Variants in FNIP2 observed in about 807,000 individuals in gnomAD.
The protein encoded by FNIP2 is folliculin interacting protein 2.
A neutral mutation model predicts 108.7 loss-of-function variants in FNIP2; 32 were observed. That is an observed-to-expected ratio of 0.29 (90% CI 0.22 to 0.40). The LOEUF is 0.40. Among genes scored for constraint, FNIP2 ranks in the 10% least tolerant of loss-of-function variants. The pLI, the probability that FNIP2 is intolerant of heterozygous loss-of-function variation, is 1.00. For synonymous variants in FNIP2, 480 were observed against 496.7 expected (o/e 0.97, Z 0.45); for missense variants, 1,202 against 1,381.6 (o/e 0.87, Z 2.06).
intron 14 of FNIP2, among the ~76,000 whole-genome samples, chr4:158,878,112 G>GA (rs971690260): frequency 4.0e-5 from 6 of 151,794 alleles, no homozygotes; most frequent in East Asian, 1.9e-4. Context: ...TTCCTGTCAT[G>GA]AAAAAAAATG....
chr4:158,806,004 G>T, intron 1 of FNIP2: 1 of 464,758 alleles, frequency 2.2e-6, no homozygotes, highest in Non-Finnish European at 3.0e-6. Context: ...CTAAATTATT[G>T]GCAGGCTTAA....
At chr4:158,818,571 T>C (rs1354870583) in intron 1 of FNIP2, among the ~76,000 whole-genome samples, 1 of 152,198 alleles carries the variant, frequency 6.6e-6, no homozygotes, top group East Asian at 1.9e-4. Flanking sequence ...GCTGGTGAAA[T>C]ATTAATTTGT....
At chr4:158,819,100 A>G (rs1454543076) in intron 1 of FNIP2, among the ~76,000 whole-genome samples, 1 of 152,214 alleles carries the variant, frequency 6.6e-6, no homozygotes, top group Non-Finnish European at 1.5e-5. Context: ...TCCCAGTTGT[A>G]AGCATATTGA....
chr4:158,894,153 C>T (rs1012877361), intron 15 of FNIP2, among the ~76,000 whole-genome samples: 3 of 145,828 alleles, frequency 2.1e-5, no homozygotes, highest in Non-Finnish European at 4.5e-5. Context: ...ATAATCAAGT[C>T]TTTTAAAAAA....
intron 3 of FNIP2, 25 bp downstream of exon 3, chr4:158,829,250 TAGCCCCTGAGGTTAA>T: frequency 6.3e-7 from 1 of 1,576,154 alleles, no homozygotes; most frequent in Non-Finnish European, 8.6e-7. Context: ...TCTGTGGGAA[TAGCCCCTGAGGTTAA>T]AGTTATTTAC....
chr4:158,804,819 A>T (rs1776885860), intron 1 of FNIP2, among the ~76,000 whole-genome samples: 1 of 152,220 alleles, frequency 6.6e-6, no homozygotes, highest in Non-Finnish European at 1.5e-5. Context: ...GTCAGTTCTA[A>T]GCTCAAAATG....
intron 1 of FNIP2, among the ~76,000 whole-genome samples, chr4:158,794,188 T>C (rs1400957411): frequency 2.0e-5 from 3 of 152,222 alleles, no homozygotes; most frequent in Non-Finnish European, 4.4e-5. Flanking sequence ...TGGGTCCTGC[T>C]CTGTGGCCCG....
chr4:158,854,415 T>C (rs1578918469), intron 8 of FNIP2, among the ~76,000 whole-genome samples: 1 of 152,172 alleles, frequency 6.6e-6, no homozygotes, highest in African/African-American at 2.4e-5. Flanking sequence ...GTCCAAGACC[T>C]GGCAGTGCCG....
rs1347171464 is a variant in FNIP2 at position 158,905,317 on chromosome 4, ATG to A, written c.*775_*776del. 6.6e-6 allele frequency: 1 copy of A among 152,200 alleles called. No homozygotes were observed. The highest frequency in any genetic ancestry group is 1.9e-4 in the East Asian group (1 of 5,202). 9.4% of individuals were successfully genotyped at this position (152,200 alleles called of 1,614,324 possible). ...AGCAAAGTGTACAGTCTGAAACCGT[ATG>A]TTTTATCCTTATATTTTAGAGCTTT... On this transcript the variant is annotated 3_prime_UTR_variant, in exon 17 of 17. Coordinates refer to ENST00000264433, the MANE Select transcript of FNIP2 (RefSeq NM_020840.3).
intron 15 of FNIP2, among the ~76,000 whole-genome samples, chr4:158,894,170 C>CTTT (rs5863337): frequency 7.8e-6 from 1 of 127,476 alleles, no homozygotes; most frequent in Non-Finnish European, 1.7e-5. Context: ...AAAATGTTTT[C>CTTT]TTTTTTTTTT....
At chr4:158,858,696 T>C (rs1780122132) in intron 8 of FNIP2, among the ~76,000 whole-genome samples, 1 of 152,220 alleles carries the variant, frequency 6.6e-6, no homozygotes, top group Non-Finnish European at 1.5e-5. Context: ...TCATTCCTCT[T>C]TTGATGTCTT....
chr4:158,887,153 G>A (rs1369792992), intron 14 of FNIP2, among the ~76,000 whole-genome samples: 2 of 152,268 alleles, frequency 1.3e-5, no homozygotes, highest in African/African-American at 4.8e-5. Flanking sequence ...AGAGCAGATA[G>A]TGGATTAGGC....
chr4:158,900,899 C>T (rs1200621387), intron 16 of FNIP2, among the ~76,000 whole-genome samples: 1 of 151,970 alleles, frequency 6.6e-6, no homozygotes, highest in Non-Finnish European at 1.5e-5. Flanking sequence ...GGTTTTTTTG[C>T]CCGTTAGTTG....
intron 5 of FNIP2, among the ~76,000 whole-genome samples, chr4:158,832,503 C>T (rs1304712553): frequency 2.6e-5 from 4 of 152,140 alleles, no homozygotes; most frequent in African/African-American, 9.7e-5. Context: ...GTATTTTGAA[C>T]TTTCAAGCAG....
rs763582263 is a variant in FNIP2 at position 158,870,315 on chromosome 4, C to G, written c.2795C>G (p.Ser932Cys). 8 of 1,612,928 alleles carry G rather than the reference C, an allele frequency of 5.0e-6. No individual in the cohort carries two copies. The highest frequency in any genetic ancestry group is 1.7e-4 in the Middle Eastern group (1 of 6,060). Residue 932 changes from serine to cysteine, a missense_variant and splice_region_variant, in exon 14 of 17, where the codon TCT becomes TGT. By Grantham distance (112) the Ser-to-Cys change is moderately radical. Coordinates refer to ENST00000264433, the MANE Select transcript of FNIP2 (RefSeq NM_020840.3). ...TAATGGGCCACATGTTGTTTTAGGTCTCAGAGCATCAGCACCCAGAATGTA... is the reference window on the plus strand; with the variant it reads ...TAATGGGCCACATGTTGTTTTAGGTGTCAGAGCATCAGCACCCAGAATGTA... The part of the protein sequence containing the change: ...SLEVELPLPR[S>C]QSISTQNVRN...
At chr4:158,804,853 C>T (rs950876619) in intron 1 of FNIP2, among the ~76,000 whole-genome samples, 3 of 152,170 alleles carry the variant, frequency 2.0e-5, no homozygotes, top group African/African-American at 7.2e-5. Context: ...GAAAGGAATT[C>T]ATTTTCTCCT....
intron 3 of FNIP2, among the ~76,000 whole-genome samples, chr4:158,829,506 C>G (rs1461869631): frequency 1.3e-5 from 2 of 152,206 alleles, no homozygotes; most frequent in South Asian, 4.1e-4. Context: ...TTCCTTTGCT[C>G]TCTGATCCAG....
chr4:158,812,949 T>C (rs1487346279), intron 1 of FNIP2, among the ~76,000 whole-genome samples: 5 of 152,014 alleles, frequency 3.3e-5, no homozygotes, highest in Admixed American at 6.6e-5. Context: ...CTCCATAGTT[T>C]TGCCTTTTCC....
chr4:158,788,204 G>A (rs909288054), intron 1 of FNIP2, among the ~76,000 whole-genome samples: 3 of 152,200 alleles, frequency 2.0e-5, no homozygotes, highest in South Asian at 2.1e-4. Flanking sequence ...TGCTGGGCGC[G>A]TAGTAAGTAC....
Sources: gnomAD v4.1 joint callset for allele counts (sites outside exome capture counted in the v4.1 genomes callset) on GRCh38, gnomAD v4.1.1 for gene constraint, MANE v1.5 for transcripts, NCBI Gene and HGNC (gene_info 2026-07-23, HGNC 2026-07-21) for gene names.